A2ML1: variants seen among roughly 807,000 people sequenced by gnomAD.
The protein encoded by A2ML1 is alpha-2-macroglobulin-like protein 1.
Under a neutral mutation model 181.9 loss-of-function variants are expected in A2ML1, and 161 were observed. That is an observed-to-expected ratio of 0.89 (90% CI 0.78 to 1.01). A2ML1 has a LOEUF of 1.01. Ranked by LOEUF, A2ML1 falls within the 50% of genes least tolerant of loss-of-function variation. The pLI, the probability that A2ML1 is intolerant of heterozygous loss-of-function variation, is 0.00. For synonymous variants in A2ML1, 663 were observed against 666.8 expected, an observed-to-expected ratio of 0.99 and a Z score of 0.09; for missense variants, 1,670 against 1,768.1, an observed-to-expected ratio of 0.94 and a Z score of 1.00.
chr12:8,852,982 C>T lies in A2ML1; in HGVS notation c.2590+646C>T, dbSNP rs754151873. Among the ~76,000 whole-genome samples, 5 of 152,152 alleles carry T rather than the reference C, an allele frequency of 3.3e-5. No homozygotes were observed. The highest frequency in any genetic ancestry group is 1.3e-4 in the Admixed American group (2 of 15,266). Reference sequence around the variant, plus strand: ...AAGTGCTGGGATTACAGGCGTGAGCCGCTGCGCCTGGCCTTTTATTTTTTT... The same window carrying T: ...AAGTGCTGGGATTACAGGCGTGAGCTGCTGCGCCTGGCCTTTTATTTTTTT... On this transcript the variant is annotated intron_variant, in intron 20 of 35. Coordinates refer to ENST00000299698, the MANE Select transcript of A2ML1 (RefSeq NM_144670.6). This position sits in a 1 kb window ranked among gnomAD's most constrained non-coding sequence, Gnocchi z 4.2.
chr12:8,832,029 C>T (rs1315912071), intron 4 of A2ML1, among the ~76,000 whole-genome samples: 1 of 152,156 alleles, frequency 6.6e-6, no homozygotes, highest in East Asian at 1.9e-4. Context: ...GGATTACAGG[C>T]GTGAGCCACC....
chr12:8,868,400 C>T lies in A2ML1; in HGVS notation c.4061+43C>T, dbSNP rs1043699074. Reference sequence around the variant, plus strand: ...GCTGGTGGCCGGCAGAGCACCTGGTCATAGGAGCTGAGCTGGGACACTTGT... The same window carrying T: ...GCTGGTGGCCGGCAGAGCACCTGGTTATAGGAGCTGAGCTGGGACACTTGT... On this transcript the variant is annotated intron_variant, in intron 31 of 35. Transcript: ENST00000299698. The T allele has an allele frequency of 1.9e-6, 3 of 1,607,316 alleles. No individual in the cohort carries two copies. The African/African-American group carries it at 4.0e-5, about 22-fold the overall frequency.
intron 15 of A2ML1, among the ~76,000 whole-genome samples, chr12:8,848,508 T>G: frequency 6.7e-6 from 1 of 149,792 alleles, no homozygotes. Flanking sequence ...GAGAACGAAA[T>G]AGGGGATAGG....
chr12:8,856,402 G>T (rs955511774), intron 23 of A2ML1, among the ~76,000 whole-genome samples: 1 of 152,218 alleles, frequency 6.6e-6, no homozygotes, highest in Non-Finnish European at 1.5e-5. Context: ...TCCTAGTACA[G>T]TTCCTGCAAC....
intron 3 of A2ML1, among the ~76,000 whole-genome samples, chr12:8,828,341 C>T (rs1053841627): frequency 2.0e-5 from 3 of 152,164 alleles, no homozygotes; most frequent in Non-Finnish European, 4.4e-5. Context: ...CCCACTCTTC[C>T]TTCCCCTTTT....
intron 1 of A2ML1, 145 bp downstream of exon 1, chr12:8,822,858 C>T: frequency 1.3e-6 from 1 of 750,582 alleles, no homozygotes; most frequent in Non-Finnish European, 2.2e-6. Context: ...TCCACTGATC[C>T]TTTACCCAGA....
intron 10 of A2ML1, among the ~76,000 whole-genome samples, chr12:8,840,291 C>T (rs757414441): frequency 6.7e-6 from 1 of 150,278 alleles, no homozygotes; most frequent in East Asian, 2.0e-4. Flanking sequence ...ACACAGGAGG[C>T]AGGGGGTGCA....
At chr12:8,840,946 AGAAGGAAG>A (rs1357677601) in intron 10 of A2ML1, among the ~76,000 whole-genome samples, 1 of 135,150 alleles carries the variant, frequency 7.4e-6, no homozygotes, top group Non-Finnish European at 1.6e-5. Context: ...AAGGAAGGAA[AGAAGGAAG>A]GAAGGAAGGA....
chr12:8,867,835 C>A lies in A2ML1; in HGVS notation c.3718-7C>A. The A allele has an allele frequency of 6.2e-7, 1 of 1,613,182 alleles. No individual in the cohort carries two copies. Among genetic ancestry groups the A allele is most frequent in the Non-Finnish European group, 8.5e-7 (1 of 1,179,124 alleles). The stretch of plus-strand genomic sequence containing the variant: ...ATGGTAAGTATACGTTTGGTTGTTT[C>A]CCTCAGGATACTGTAGTTGCTCTCC... On this transcript the variant is annotated splice_region_variant and splice_polypyrimidine_tract_variant and intron_variant, in intron 29 of 35. Transcript: ENST00000299698.
rs1017500448 is a variant in A2ML1, at chr12:8,852,009, C to T, written c.2460C>T (p.Ile820=). 1.2e-6 allele frequency: 2 copies of T among 1,613,874 alleles called. No homozygotes were observed. The highest frequency in any genetic ancestry group is 8.5e-7 in the Non-Finnish European group (1 of 1,179,750). The change falls in exon 19 of 36, where the codon ATC becomes ATT. Residue 820 remains isoleucine (I), a synonymous_variant. Transcript: ENST00000299698. The surrounding 1 kb of genome is among the most constrained non-coding windows in gnomAD (Gnocchi z 4.2). ...TCTTCAATTACCTAAAGGATTGCAT[C>T]AGGGTGAGAGCTGGGGATACAGGAA... is the stretch of plus-strand genomic sequence containing the variant. ...ATIFNYLKDC[I]RVQTDLAKSH... is the part of the protein sequence containing the mutation.
chr12:8,868,628 G>T lies in A2ML1; in HGVS notation c.4152+1G>T. 1.2e-6 allele frequency: 2 copies of T among 1,612,958 alleles called. No homozygotes were observed. The highest frequency in any genetic ancestry group is 1.1e-5 in the South Asian group (1 of 90,840). On this transcript the variant is annotated splice_donor_variant, in intron 32 of 35. Transcript: ENST00000299698. LOFTEE classifies it high-confidence loss of function. Reference sequence around the variant, plus strand: ...TCCCATGGAGGGCACCAATCAGTTAGTAAGTTACTTCTGTTTTCTTCATTT... The same window carrying T: ...TCCCATGGAGGGCACCAATCAGTTATTAAGTTACTTCTGTTTTCTTCATTT...
chr12:8,832,356 T>TA (rs1943145155), intron 4 of A2ML1, among the ~76,000 whole-genome samples: 1 of 152,202 alleles, frequency 6.6e-6, no homozygotes, highest in Non-Finnish European at 1.5e-5. Context: ...GCATGACCCC[T>TA]AAAGTGTAAT....
At chr12:8,845,935 G>A in intron 13 of A2ML1, 142 bp from the exon 14 acceptor site, 3 of 697,914 alleles carry the variant, frequency 4.3e-6, no homozygotes, top group Non-Finnish European at 6.7e-6. Flanking sequence ...AGCACTAACA[G>A]TTATCACAGG....
At chr12:8,851,742 C>A (rs1052445826) in intron 18 of A2ML1, 42 bp from the exon 19 acceptor site, 1 of 1,593,672 alleles carries the variant, frequency 6.3e-7, no homozygotes, top group Admixed American at 1.7e-5. Flanking sequence ...TCTCCTTGCC[C>A]CACGCTACCT....
At position 8,868,073 on chromosome 12, in the gene A2ML1, T is replaced by C. The variant is rs369629857; in HGVS notation, c.3933+16T>C. On this transcript the variant is annotated intron_variant, in intron 30 of 35. Coordinates refer to ENST00000299698, the MANE Select transcript of A2ML1 (RefSeq NM_144670.6). ...CTATGTGCAGGTAAGTAGAGATCCA[T>C]GAGAATGAGCGGACATTGGGAAGGA... 61 of 1,612,514 alleles carry C rather than the reference T, an allele frequency of 3.8e-5. No individual in the cohort carries two copies. The highest frequency in any genetic ancestry group is 5.2e-5 in the Non-Finnish European group (61 of 1,178,634).
chr12:8,879,519 A>G (rs1944849585), downstream of A2ML1, among the ~76,000 whole-genome samples: 1 of 152,028 alleles, frequency 6.6e-6, no homozygotes, highest in Non-Finnish European at 1.5e-5. Context: ...AGTCATGATC[A>G]TGAAAGCCCC....
intron 3 of A2ML1, among the ~76,000 whole-genome samples, chr12:8,824,624 C>G (rs542823240): frequency 6.6e-6 from 1 of 151,782 alleles, no homozygotes; most frequent in Non-Finnish European, 1.5e-5. Context: ...ATTTTTGTAC[C>G]CATTAACCAT....
intron 33 of A2ML1, among the ~76,000 whole-genome samples, chr12:8,870,578 A>C (rs56028131): frequency 0.057 from 8,615 of 152,238 alleles, 342 homozygotes; most frequent in Non-Finnish European, 0.088. Context: ...AGTTGTGTAT[A>C]GTTTCTTTTG....
At position 8,854,274 on chromosome 12, in the gene A2ML1, C is replaced by T. The variant is rs112518877; in HGVS notation, c.2712+25C>T. The T allele has an allele frequency of 8.0e-5, 126 of 1,574,094 alleles. No individual in the cohort carries two copies. The African/African-American group carries it at 1.3e-3, about 17-fold the overall frequency. On this transcript the variant is annotated intron_variant, in intron 21 of 35. Transcript: ENST00000299698. ...AGTGAGTTTTCTTCAGAGGTAGAGA[C>T]AGCAACCAACCGAGGGATGCTCAGC... is the stretch of plus-strand genomic sequence containing the variant.
Sources: gnomAD v4.1 joint callset for allele counts (sites outside exome capture counted in the v4.1 genomes callset) on GRCh38, gnomAD v4.1.1 for gene constraint, Gnocchi (gnomAD v3.1) non-coding constraint, MANE v1.5 for transcripts, NCBI Gene and HGNC (gene_info 2026-07-23, HGNC 2026-07-21) for gene names.